Variants in TMEM245 observed in about 807,000 individuals in gnomAD.
TMEM245 encodes protein CG-2.
In TMEM245, 69 loss-of-function variants were observed where a neutral mutation model predicts 101.2. The observed-to-expected ratio is 0.68, with a 90% confidence interval of 0.56 to 0.83. The LOEUF is 0.83. Ranked by LOEUF, TMEM245 falls within the 40% of genes least tolerant of loss-of-function variation. The pLI, the probability that TMEM245 is intolerant of heterozygous loss-of-function variation, is 0.00. For synonymous variants in TMEM245, 537 were observed against 449.8 expected, an observed-to-expected ratio of 1.19 and a Z score of -2.45; for missense variants, 1,075 against 1,092.8, an observed-to-expected ratio of 0.98 and a Z score of 0.23.
rs1263285446 is a variant in TMEM245, at chr9:109,016,778, G to GA, written c.*3681dup. 6.6e-6 allele frequency: 1 copy of GA among 151,506 alleles called. No homozygotes were observed. The highest frequency in any genetic ancestry group is 1.5e-5 in the Non-Finnish European group (1 of 67,954). The allele number at this position is 151,506 out of a possible 1,614,324, so 9.4% of individuals were successfully genotyped here. On this transcript the variant is annotated 3_prime_UTR_variant, in exon 18 of 18. Coordinates refer to ENST00000374586, the MANE Select transcript of TMEM245 (RefSeq NM_032012.4). ...AATAAAAAGTACTTGTTTTTAGCTG[G>GA]AACTAGCATTTGGAAGTAATGCTAG...
intron 14 of TMEM245, chr9:109,042,591 C>T (rs1481853951): frequency 6.6e-6 from 1 of 152,112 alleles, no homozygotes; most frequent in Non-Finnish European, 1.5e-5. Flanking sequence ...CATCTCTGAG[C>T]TCTGCTTCTG....
At chr9:109,093,667 T>C in intron 3 of TMEM245, 76 bp from the exon 4 acceptor site, 1 of 1,170,462 alleles carries the variant, frequency 8.5e-7, no homozygotes, top group Non-Finnish European at 1.3e-6. Context: ...CAGTCCAACA[T>C]TTTCAACAAC....
intron 11 of TMEM245, among the ~76,000 whole-genome samples, chr9:109,058,114 C>A (rs151076589): frequency 0.01 from 1,577 of 151,408 alleles, 25 homozygotes; most frequent in African/African-American, 0.036. Context: ...CATTCTCCTG[C>A]CTCAGCCTCC....
chr9:109,033,532 A>T (rs1265395458), intron 16 of TMEM245, 31 bp from the exon 17 acceptor site: 2 of 1,524,984 alleles, frequency 1.3e-6, no homozygotes, highest in African/African-American at 2.8e-5. Flanking sequence ...TTTAACACAC[A>T]AAAACTGGAA....
chr9:109,116,807 C>A (rs940563311), intron 1 of TMEM245, among the ~76,000 whole-genome samples: 64 of 152,204 alleles, frequency 4.2e-4, no homozygotes, highest in African/African-American at 1.5e-3. Flanking sequence ...GGACTACAGG[C>A]GTGGGCAACC....
intron 14 of TMEM245, among the ~76,000 whole-genome samples, chr9:109,039,597 A>T (rs1300895845): frequency 6.6e-6 from 1 of 152,156 alleles, no homozygotes; most frequent in Admixed American, 6.5e-5. Flanking sequence ...AAAATTCAGA[A>T]CAAGACATCT....
intron 14 of TMEM245, among the ~76,000 whole-genome samples, chr9:109,044,637 C>T (rs1828420825): frequency 1.3e-5 from 2 of 152,092 alleles, no homozygotes; most frequent in South Asian, 2.1e-4. Flanking sequence ...GAAAAGTACT[C>T]GCCAGCTCCC....
chr9:109,054,189 G>A (rs1325588692), intron 12 of TMEM245, among the ~76,000 whole-genome samples: 4 of 152,006 alleles, frequency 2.6e-5, no homozygotes, highest in African/African-American at 7.3e-5. Flanking sequence ...AAATCAGCTG[G>A]GTGTGGTGGT....
intron 3 of TMEM245, among the ~76,000 whole-genome samples, 163 bp from the exon 4 acceptor site, chr9:109,093,754 G>T (rs1403936052): frequency 9.2e-5 from 14 of 152,172 alleles, no homozygotes; most frequent in Non-Finnish European, 1.0e-4. Flanking sequence ...GAATTGACAT[G>T]AAAGTGTGCT....
chr9:109,020,639 G>A (rs1827592736), intron 17 of TMEM245, 134 bp from the exon 18 acceptor site: 1 of 784,336 alleles, frequency 1.3e-6, no homozygotes, highest in South Asian at 1.9e-5. Flanking sequence ...TTGTTTCAAA[G>A]TCTGCTAGTT....
At chr9:109,057,677 G>A (rs190705437) in intron 11 of TMEM245, among the ~76,000 whole-genome samples, 7 of 152,202 alleles carry the variant, frequency 4.6e-5, no homozygotes, top group African/African-American at 1.7e-4. Context: ...CTTGAATCCA[G>A]GAGGCGGAGG....
At position 109,119,554 on chromosome 9, in the gene TMEM245, G is replaced by T. The variant is rs754273021; in HGVS notation, c.360C>A (p.Val120=). 1 of 1,536,488 alleles carries T rather than the reference G, an allele frequency of 6.5e-7. No homozygotes were observed. The highest frequency in any genetic ancestry group is 2.0e-5 in the Admixed American group (1 of 50,182). The change falls in exon 1 of 18, where the codon GTC becomes GTA. Residue 120 remains valine, a synonymous_variant. Transcript: ENST00000374586. ...AGAGCGGCAGGAGCAGCGCGGCCAG[G>T]ACGATGGGCGTGTGCGCGCGGTGCA... ...QRLHRAHTPI[V]LAALLLPLCF...
At chr9:109,023,661 C>T (rs187148810) in intron 17 of TMEM245, among the ~76,000 whole-genome samples, 2 of 151,934 alleles carry the variant, frequency 1.3e-5, no homozygotes, top group East Asian at 1.9e-4. Context: ...GGTGAAACCC[C>T]GTCCCCACTA....
intron 5 of TMEM245, among the ~76,000 whole-genome samples, chr9:109,087,902 C>G (rs937388915): frequency 1.3e-5 from 2 of 152,186 alleles, no homozygotes; most frequent in African/African-American, 4.8e-5. Flanking sequence ...TGCCAGGGTT[C>G]AGTAGAGAAG....
intron 11 of TMEM245, among the ~76,000 whole-genome samples, chr9:109,059,478 T>C (rs1260892412): frequency 1.3e-5 from 2 of 151,978 alleles, no homozygotes; most frequent in Non-Finnish European, 2.9e-5. Context: ...ATCCAGTGTA[T>C]AGGATGGTCT....
At chr9:109,066,378 C>T (rs562716520) in intron 9 of TMEM245, among the ~76,000 whole-genome samples, 18 of 143,300 alleles carry the variant, frequency 1.3e-4, no homozygotes, top group African/African-American at 4.4e-4. Context: ...TCACTTGAGC[C>T]CAGGAGGCAG....
At chr9:109,082,501 CT>C (rs1213081821) in intron 7 of TMEM245, among the ~76,000 whole-genome samples, 1 of 152,192 alleles carries the variant, frequency 6.6e-6, no homozygotes, top group Non-Finnish European at 1.5e-5. Context: ...TATCACTCCT[CT>C]TTGTATCTCC....
At chr9:109,060,500 C>A in intron 10 of TMEM245, 48 bp from the exon 11 acceptor site, 2 of 1,354,590 alleles carry the variant, frequency 1.5e-6, no homozygotes, top group Non-Finnish European at 2.1e-6. Context: ...CAGGCAACAA[C>A]AGAGTAAAAT....
chr9:109,084,806 G>A (rs1385486599), intron 7 of TMEM245, among the ~76,000 whole-genome samples: 1 of 152,080 alleles, frequency 6.6e-6, no homozygotes, highest in Non-Finnish European at 1.5e-5. Context: ...AGTTTTATAG[G>A]GAATGGAGAC....
Sources: allele counts gnomAD v4.1 joint callset (sites outside exome capture counted in the v4.1 genomes callset), GRCh38; gene constraint gnomAD v4.1.1; transcripts MANE v1.5; gene names NCBI Gene and HGNC (gene_info 2026-07-23, HGNC 2026-07-21).